Variants in ARHGEF10 observed in about 807,000 individuals in gnomAD.
The protein encoded by ARHGEF10 is Rho guanine nucleotide exchange factor (GEF) 10.
A neutral mutation model predicts 147.4 loss-of-function variants in ARHGEF10; 140 were observed. The ratio of observed to expected loss-of-function variants is 0.95; its 90% CI spans 0.83 to 1.09. The LOEUF (loss-of-function observed/expected upper bound fraction) is 1.09. Among genes scored for constraint, ARHGEF10 ranks in the 50% least tolerant of loss-of-function variants. The pLI is 0.00. For synonymous variants in ARHGEF10, 902 were observed against 695.8 expected (o/e 1.30, Z -4.67); for missense variants, 2,222 against 1,752.7 (o/e 1.27, Z -4.78).
intron 28 of ARHGEF10, 134 bp downstream of exon 28, chr8:1,952,961 A>T: frequency 1.6e-6 from 2 of 1,288,748 alleles, no homozygotes; most frequent in Middle Eastern, 2.4e-4. Flanking sequence ...AGTGTATTAT[A>T]ATGACTTAAT....
At chr8:1,824,496 A>C (rs903617427) in intron 1 of ARHGEF10, among the ~76,000 whole-genome samples, 1 of 151,890 alleles carries the variant, frequency 6.6e-6, no homozygotes, top group Non-Finnish European at 1.5e-5. Flanking sequence ...GGTCCGCCTC[A>C]GGATGCAGAG....
chr8:1,835,408 G>C (rs1365063181), intron 1 of ARHGEF10, among the ~76,000 whole-genome samples: 1 of 152,146 alleles, frequency 6.6e-6, no homozygotes, highest in Non-Finnish European at 1.5e-5. Flanking sequence ...TGGCTGGGAA[G>C]TGCTGGGCTG....
At chr8:1,890,726 A>C (rs1441964043) in intron 11 of ARHGEF10, among the ~76,000 whole-genome samples, 1 of 151,962 alleles carries the variant, frequency 6.6e-6, no homozygotes, top group Non-Finnish European at 1.5e-5. Context: ...GTCACTGGGT[A>C]AGAGTCGAGG....
intron 7 of ARHGEF10, 72 bp downstream of exon 7, chr8:1,869,322 T>C (rs1040851497): frequency 1.5e-5 from 20 of 1,318,800 alleles, no homozygotes; most frequent in Non-Finnish European, 2.1e-5. Context: ...CCAAAGTGAC[T>C]ATTTAGTGGA....
At chr8:1,956,370 AT>A (rs1297908656) in intron 28 of ARHGEF10, among the ~76,000 whole-genome samples, 2 of 152,198 alleles carry the variant, frequency 1.3e-5, no homozygotes, top group East Asian at 3.8e-4. Context: ...AGGCGTTAAT[AT>A]TTCTAATCAA....
intron 11 of ARHGEF10, among the ~76,000 whole-genome samples, chr8:1,890,434 GGTTGTGAGGAGACAGTGAGTGGGGTGAGT>G (rs527925107): frequency 3.3e-5 from 5 of 150,108 alleles, no homozygotes; most frequent in Admixed American, 6.6e-5. Flanking sequence ...AATGGGTTGA[GGTTGTGAGGAGACAGTGAGTGGGGTGAGT>G]GTTGTGAGGA....
intron 7 of ARHGEF10, among the ~76,000 whole-genome samples, chr8:1,874,813 G>C: frequency 6.8e-6 from 1 of 148,040 alleles, no homozygotes; most frequent in African/African-American, 2.6e-5. Flanking sequence ...AGACAGGCTG[G>C]AGGAACAGTG....
At chr8:1,851,766 T>G (rs1191642758) in intron 2 of ARHGEF10, among the ~76,000 whole-genome samples, 1 of 151,916 alleles carries the variant, frequency 6.6e-6, no homozygotes, top group Non-Finnish European at 1.5e-5. Flanking sequence ...TAATAAAACT[T>G]AGCCAGGCGT....
rs1814040378 is a variant in ARHGEF10 at position 1,940,940 on chromosome 8, C to G, written c.3223-4541C>G. On this transcript the variant is annotated intron_variant, in intron 26 of 28. Transcript: ENST00000349830. ...ATTTATCACCCTTTTATGATAAAAA[C>G]AATCAAACTAAGACTAGAAGGTGAT... Among the ~76,000 whole-genome samples, 3 of 152,288 alleles carry G rather than the reference C, an allele frequency of 2.0e-5. No individual in the cohort carries two copies. In the South Asian group the frequency reaches 6.2e-4, roughly 32 times the overall value.
chr8:1,901,140 G>A (rs150854483), intron 15 of ARHGEF10, among the ~76,000 whole-genome samples: 44 of 152,244 alleles, frequency 2.9e-4, no homozygotes, highest in East Asian at 7.7e-4. Flanking sequence ...CCTACCTCAG[G>A]TGTGGGTACT....
At chr8:1,831,263 C>T (rs986207702) in intron 1 of ARHGEF10, among the ~76,000 whole-genome samples, 3 of 137,154 alleles carry the variant, frequency 2.2e-5, no homozygotes, top group Non-Finnish European at 3.2e-5. Context: ...CAGTGGCAGC[C>T]GTGGAGGGAC....
At chr8:1,877,978 G>A (rs932638799) in intron 8 of ARHGEF10, among the ~76,000 whole-genome samples, 4 of 152,100 alleles carry the variant, frequency 2.6e-5, no homozygotes, top group Admixed American at 1.3e-4. Flanking sequence ...TAGCTGCCAC[G>A]TCCCTATGGT....
chr8:1,857,875 G>GATCTATCTATCTATCT (rs35711467), intron 2 of ARHGEF10, 85 bp from the exon 3 acceptor site: 139 of 918,528 alleles, frequency 1.5e-4, no homozygotes, highest in East Asian at 3.3e-4. Context: ...AACATAGATC[G>GATCTATCTATCTATCT]ATCGATCTAT....
chr8:1,948,510 C>T lies in ARHGEF10; in HGVS notation c.3397+2855C>T, dbSNP rs1814772172. ...TCTGCTCCCAGGCTGTGGTCTGCTG[C>T]CACCGTGGCCTTGTCAGCAGGAGAA... is the stretch of plus-strand genomic sequence containing the variant. On this transcript the variant is annotated intron_variant, in intron 27 of 28. Transcript: ENST00000349830. The surrounding 1 kb of genome is among the most constrained non-coding windows in gnomAD (Gnocchi z 4.9). 6.6e-6 allele frequency among the ~76,000 whole-genome samples: 1 copy of T among 152,184 alleles called. No homozygotes were observed. Among genetic ancestry groups the T allele is most frequent in the Non-Finnish European group, 1.5e-5 (1 of 68,030 alleles).
intron 15 of ARHGEF10, among the ~76,000 whole-genome samples, chr8:1,902,354 G>C (rs1427042217): frequency 6.6e-6 from 1 of 152,274 alleles, no homozygotes; most frequent in Non-Finnish European, 1.5e-5. Flanking sequence ...ATGTCCTTTT[G>C]TTACTGCCTG....
intron 9 of ARHGEF10, 75 bp downstream of exon 9, chr8:1,880,239 C>G (rs878932333): frequency 9.8e-7 from 1 of 1,023,114 alleles, no homozygotes; most frequent in South Asian, 1.3e-5. Context: ...CTCGGTCGGT[C>G]CTTGCTGTCT....
intron 2 of ARHGEF10, 67 bp downstream of exon 2, chr8:1,843,503 C>T: frequency 2.5e-6 from 3 of 1,220,362 alleles, no homozygotes; most frequent in Non-Finnish European, 3.6e-6. Flanking sequence ...GGACGGGGTA[C>T]TTCTGGAACC....
chr8:1,919,686 G>A (rs1812077413), intron 18 of ARHGEF10, among the ~76,000 whole-genome samples: 3 of 147,388 alleles, frequency 2.0e-5, no homozygotes, highest in Admixed American at 2.0e-4. Flanking sequence ...TATGGGTGAT[G>A]AGCTGTTTTG....
rs184059804 is a variant in ARHGEF10, at chr8:1,900,961, C to T, written c.1651-2320C>T. The stretch of plus-strand genomic sequence containing the variant: ...AACAAACTGCAGATCCTAGATGTGC[C>T]GAGCAGTTTCCCTCAGGGACACTTT... On this transcript the variant is annotated intron_variant, in intron 15 of 28. Coordinates refer to ENST00000349830, the MANE Select transcript of ARHGEF10 (RefSeq NM_014629.4). 2.6e-3 allele frequency among the ~76,000 whole-genome samples: 396 copies of T among 152,086 alleles called. 1 individual carries two copies. Among genetic ancestry groups the T allele is most frequent in the Non-Finnish European group, 3.9e-3 (264 of 67,994 alleles).
Sources: gnomAD v4.1 joint callset for allele counts (sites outside exome capture counted in the v4.1 genomes callset) on GRCh38, gnomAD v4.1.1 for gene constraint, Gnocchi (gnomAD v3.1) non-coding constraint, MANE v1.5 for transcripts, NCBI Gene and HGNC (gene_info 2026-07-23, HGNC 2026-07-21) for gene names.